Variants in TBC1D23 observed in about 807,000 individuals in gnomAD.
TBC1D23 encodes the protein HCV non-structural protein 4A-transactivated protein 1.
In TBC1D23, 55 loss-of-function variants were observed where a neutral mutation model predicts 91.4. The observed-to-expected ratio is 0.60, with a 90% CI of 0.48 to 0.75. TBC1D23 has a LOEUF of 0.75. TBC1D23 is among the 30% of genes least tolerant of loss of function. The pLI is 0.00. For missense variants in TBC1D23, 725 were observed against 836.1 expected (o/e 0.87, Z 1.64); for synonymous variants, 289 against 281.0 (o/e 1.03, Z -0.28).
At chr3:100,284,685 TG>T (rs1459679834) in intron 4 of TBC1D23, among the ~76,000 whole-genome samples, 1 of 152,072 alleles carries the variant, frequency 6.6e-6, no homozygotes, top group Admixed American at 6.6e-5. Flanking sequence ...GTCGTGGTGG[TG>T]GGCAGCACTC....
intron 4 of TBC1D23, among the ~76,000 whole-genome samples, chr3:100,290,336 C>G (rs1454464490): frequency 1.3e-5 from 2 of 152,196 alleles, no homozygotes. Flanking sequence ...CTGTAGTTCT[C>G]TCACTGGAGT....
At chr3:100,296,828 C>G (rs565744719) in intron 8 of TBC1D23, among the ~76,000 whole-genome samples, 5 of 149,302 alleles carry the variant, frequency 3.3e-5, no homozygotes, top group Non-Finnish European at 7.4e-5. Context: ...CCACTGCACT[C>G]CAGCCTGGGC....
At chr3:100,297,820 A>G (rs1246971836) in intron 8 of TBC1D23, 103 bp from the exon 9 acceptor site, 14 of 948,248 alleles carry the variant, frequency 1.5e-5, no homozygotes, top group Admixed American at 5.6e-5. Flanking sequence ...TCACAACTCA[A>G]GAGTATTATA....
Position 100,281,728 on chromosome 3 carries a change from A to T in TBC1D23, c.166-14A>T. 1 of 1,572,338 alleles carries T rather than the reference A, an allele frequency of 6.4e-7. No individual in the cohort carries two copies. Among genetic ancestry groups the T allele is most frequent in the South Asian group, 1.1e-5 (1 of 89,204 alleles). ...AACATATGAAGCTAGTCACTTTTTA[A>T]ATCTTTCTTCCAGATTGCTCTGAAT... On this transcript the variant is annotated splice_polypyrimidine_tract_variant and intron_variant, in intron 2 of 18. Transcript: ENST00000394144.
intron 16 of TBC1D23, among the ~76,000 whole-genome samples, chr3:100,316,818 C>T (rs569925199): frequency 7.2e-5 from 11 of 152,058 alleles, no homozygotes; most frequent in African/African-American, 2.7e-4. Flanking sequence ...TTAGGCCGGG[C>T]GCGGTGGTTC....
Position 100,319,196 on chromosome 3 carries a change from G to A in TBC1D23, c.1815G>A (p.Met605Ile), listed in dbSNP as rs1705807275. ...AAGAAGTAAAAGAAAGTGGACACAT[G>A]TTTCCCAGGTACTTTTAAAAATGTC... is the stretch of plus-strand genomic sequence containing the variant. The part of the protein sequence containing the change: ...PCKEVKESGH[M>I]FPSHLLVTAT... The change falls in exon 17 of 19, where the codon ATG becomes ATA. Residue 605 changes from methionine to isoleucine, a missense_variant. Physicochemically the swap from Met to Ile is conservative, Grantham distance 10. Coordinates refer to ENST00000394144, the MANE Select transcript of TBC1D23 (RefSeq NM_001199198.3). 3.1e-6 allele frequency: 5 copies of A among 1,601,518 alleles called. No individual in the cohort carries two copies. In the African/African-American group the frequency reaches 6.8e-5, roughly 22 times the overall value.
At chr3:100,293,287 C>A (rs2067809008) in intron 5 of TBC1D23, among the ~76,000 whole-genome samples, 2 of 152,162 alleles carry the variant, frequency 1.3e-5, no homozygotes, top group Non-Finnish European at 2.9e-5. Flanking sequence ...GCGCCCGCCA[C>A]CACACCCGGC....
At position 100,306,324 on chromosome 3, in the gene TBC1D23, C is replaced by A. The variant is rs181586405; in HGVS notation, c.1307-113C>A. ...CAGAAAGAAATACCTGTGATTATTT[C>A]CTTCAGTCCTTTTTTCTCAGCTGTG... On this transcript the variant is annotated intron_variant, in intron 12 of 18. Transcript: ENST00000394144. 776 of 613,444 alleles carry A rather than the reference C, an allele frequency of 1.3e-3. 4 individuals carry two copies. The African/African-American group carries it at 0.013, about 10-fold the overall frequency. 38.0% of individuals were successfully genotyped at this position (613,444 alleles called of 1,614,324 possible). A position where few individuals can be genotyped will look rare whatever the true frequency, so the allele number is the denominator to read the frequency against.
intron 1 of TBC1D23, among the ~76,000 whole-genome samples, chr3:100,263,402 C>T (rs939403852): frequency 2.0e-5 from 3 of 152,204 alleles, no homozygotes; most frequent in Non-Finnish European, 4.4e-5. Context: ...TGGGCGTATA[C>T]GTGCAAGTCA....
rs769813214 is a variant in TBC1D23 at position 100,296,293 on chromosome 3, A to C, written c.876+18A>C. The C allele has an allele frequency of 7.3e-7, 1 of 1,360,848 alleles. No homozygotes were observed. The allele number at this position is 1,360,848 out of a possible 1,614,324, so 84.3% of individuals were successfully genotyped here. ...TTAGGAAGGTATAAGACCAGAAATG[A>C]CCAACTATGTTGTATTTCATATTTT... On this transcript the variant is annotated intron_variant, in intron 8 of 18. Transcript: ENST00000394144.
intron 1 of TBC1D23, among the ~76,000 whole-genome samples, chr3:100,269,280 C>T (rs970467015): frequency 1.3e-5 from 2 of 152,190 alleles, no homozygotes; most frequent in African/African-American, 4.8e-5. Flanking sequence ...TTACATTATT[C>T]ATAAGGGAAT....
chr3:100,323,855 C>A lies in TBC1D23; in HGVS notation c.*187C>A. The A allele has an allele frequency of 4.0e-6, 1 of 251,078 alleles. No individual in the cohort carries two copies. Among genetic ancestry groups the A allele is most frequent in the Non-Finnish European group, 7.8e-6 (1 of 127,678 alleles). 15.6% of individuals were successfully genotyped at this position (251,078 alleles called of 1,614,324 possible). A position where few individuals can be genotyped will look rare whatever the true frequency, so the allele number is the denominator to read the frequency against. ...AAACTTTTTAAAAATTTTTCTTCTG[C>A]ATTTTGGTTTTATAAAATGATGTAT... On this transcript the variant is annotated 3_prime_UTR_variant, in exon 19 of 19. Transcript: ENST00000394144.
At chr3:100,280,713 C>A (rs1559802993) in intron 2 of TBC1D23, among the ~76,000 whole-genome samples, 1 of 152,144 alleles carries the variant, frequency 6.6e-6, no homozygotes, top group South Asian at 2.1e-4. Context: ...GTATAATGAA[C>A]TCCCATGTGC....
intron 17 of TBC1D23, among the ~76,000 whole-genome samples, chr3:100,319,791 A>G (rs928235462): frequency 7.9e-5 from 12 of 152,050 alleles, no homozygotes; most frequent in Admixed American, 5.9e-4. Flanking sequence ...ATGTATATAT[A>G]TATACATATG....
At chr3:100,283,442 A>G (rs550381933) in intron 3 of TBC1D23, among the ~76,000 whole-genome samples, 165 bp from the exon 4 acceptor site, 22 of 152,286 alleles carry the variant, frequency 1.4e-4, no homozygotes, top group African/African-American at 4.3e-4. Flanking sequence ...CTGTGAACCA[A>G]TGATTGTTAA....
In TBC1D23 at chr3:100,261,080, A is replaced by G; in HGVS notation, c.53+9A>G. ...TCGAGCGGCGACGGCTGGTGAGTGA[A>G]AGCCGGGGCTAATTTCCAATGCCCC... On this transcript the variant is annotated intron_variant, in intron 1 of 18. Coordinates refer to ENST00000394144, the MANE Select transcript of TBC1D23 (RefSeq NM_001199198.3). The G allele has an allele frequency of 6.2e-7, 1 of 1,612,596 alleles. No homozygotes were observed. Among genetic ancestry groups the G allele is most frequent in the South Asian group, 1.1e-5 (1 of 91,012 alleles).
At chr3:100,300,472 C>G (rs965682629) in intron 10 of TBC1D23, among the ~76,000 whole-genome samples, 1 of 150,982 alleles carries the variant, frequency 6.6e-6, no homozygotes, top group Non-Finnish European at 1.5e-5. Flanking sequence ...AAAATTTACT[C>G]AAGTGATTCA....
intron 10 of TBC1D23, among the ~76,000 whole-genome samples, chr3:100,300,539 C>G (rs1298884564): frequency 6.9e-6 from 1 of 145,192 alleles, no homozygotes; most frequent in Non-Finnish European, 1.5e-5. Context: ...TTCTACTCTG[C>G]CACTCAGGCT....
In TBC1D23 at chr3:100,309,937, C is replaced by T. The variant is rs548191324; in HGVS notation, c.1414-466C>T. Among the ~76,000 whole-genome samples the T allele has an allele frequency of 7.9e-5, 12 of 152,244 alleles. No individual in the cohort carries two copies. The South Asian group carries it at 2.5e-3, about 32-fold the overall frequency. ...ACCTTCTATTCTTAAAATGATTTCACCTAATGAATTAGTTTGCAGCTGCCG... is the reference window on the plus strand; with the variant it reads ...ACCTTCTATTCTTAAAATGATTTCATCTAATGAATTAGTTTGCAGCTGCCG... On this transcript the variant is annotated intron_variant, in intron 13 of 18. Transcript: ENST00000394144.
Sources: gnomAD v4.1 joint callset for allele counts (sites outside exome capture counted in the v4.1 genomes callset) on GRCh38, gnomAD v4.1.1 for gene constraint, MANE v1.5 for transcripts, NCBI Gene and HGNC (gene_info 2026-07-23, HGNC 2026-07-21) for gene names.